The following ITGA11 variants were observed in gnomAD, a reference collection of about 807,000 sequenced individuals.
The protein encoded by ITGA11 is integrin subunit alpha 11.
ITGA11 carries 97 observed loss-of-function variants against 141.9 expected under a neutral mutation model. That is an observed-to-expected ratio of 0.68 (90% confidence interval 0.58 to 0.81). ITGA11 has a LOEUF of 0.81. ITGA11 is among the 30% of genes least tolerant of loss of function. The probability of loss-of-function intolerance (pLI) is 0.00; values close to 1 mark genes in which losing one functional copy is unlikely to be tolerated. For synonymous variants in ITGA11, 658 were observed against 624.6 expected (o/e 1.05, Z -0.80); for missense variants, 1,387 against 1,559.2 (o/e 0.89, Z 1.86).
chr15:68,408,395 C>T (rs1896695282), intron 1 of ITGA11, among the ~76,000 whole-genome samples: 1 of 152,088 alleles, frequency 6.6e-6, no homozygotes, highest in Admixed American at 6.5e-5. Flanking sequence ...TGTCTGATTA[C>T]TCCTGTCTCC....
rs1436636739 is a variant in ITGA11, at chr15:68,321,071, C to T, written c.2408+347G>A. Among the ~76,000 whole-genome samples the T allele has an allele frequency of 6.6e-6, 1 of 152,074 alleles. No individual in the cohort carries two copies. On this transcript the variant is annotated intron_variant, in intron 19 of 29. Transcript: ENST00000315757. This position sits in a 1 kb window ranked among gnomAD's most constrained non-coding sequence, Gnocchi z 4.9. The stretch of plus-strand genomic sequence containing the variant: ...CAGCCAGCGGGCCTAGAGGTCACCT[C>T]ATCTGGGGGCTGAAGGACAAGCACC...
At chr15:68,418,923 T>C (rs754982046) in intron 1 of ITGA11, among the ~76,000 whole-genome samples, 1 of 151,940 alleles carries the variant, frequency 6.6e-6, no homozygotes, top group Admixed American at 6.6e-5. Flanking sequence ...GCTCAGGATA[T>C]GCAATTTGTG....
At chr15:68,367,073 G>A (rs760158313) in intron 3 of ITGA11, among the ~76,000 whole-genome samples, 1 of 152,192 alleles carries the variant, frequency 6.6e-6, no homozygotes, top group Admixed American at 6.5e-5. Context: ...CTCAGTGGGA[G>A]AGAGAGAACC....
intron 2 of ITGA11, among the ~76,000 whole-genome samples, chr15:68,389,996 G>A (rs1442111573): frequency 1.3e-5 from 2 of 152,218 alleles, no homozygotes; most frequent in African/African-American, 4.8e-5. Flanking sequence ...ATGTAAATGC[G>A]ATAGTCATGT....
intron 10 of ITGA11, among the ~76,000 whole-genome samples, chr15:68,348,291 C>G (rs920082575): frequency 1.3e-5 from 2 of 152,132 alleles, no homozygotes; most frequent in East Asian, 1.9e-4. Flanking sequence ...GTGGGGGGGG[C>G]CTATGAGTCA....
chr15:68,403,023 G>A lies in ITGA11; in HGVS notation c.59C>T (p.Thr20Met), dbSNP rs754238550. Reference sequence around the variant, plus strand: ...CCTGGTGTCCATGTTGAAGGTGTCCGTGAACCCTGAGGCAGGGGGAGAGGA... The same window carrying A: ...CCTGGTGTCCATGTTGAAGGTGTCCATGAACCCTGAGGCAGGGGGAGAGGA... ...AWALSLWPGF[T>M]DTFNMDTRKP... Residue 20 changes from threonine to methionine, a missense_variant, in exon 2 of 30, where the codon ACG becomes ATG. By Grantham distance (81) the Thr-to-Met change is moderately conservative. Coordinates refer to ENST00000315757, the MANE Select transcript of ITGA11 (RefSeq NM_001004439.2). The A allele has an allele frequency of 1.2e-5, 19 of 1,610,218 alleles. No homozygotes were observed. The highest frequency in any genetic ancestry group is 3.3e-5 in the Admixed American group (2 of 59,768).
In ITGA11 at chr15:68,321,424, G is replaced by A. The variant is rs145852498; in HGVS notation, c.2402C>T (p.Thr801Met). 7.0e-5 allele frequency: 110 copies of A among 1,579,372 alleles called. No homozygotes were observed. The highest frequency in any genetic ancestry group is 3.8e-4 in the East Asian group (16 of 42,006). ...GTGGAAGGAGCCAACTCACATGGCC[G>A]TGGGCAGGTCACTCCGGGCATCCAA... is the stretch of plus-strand genomic sequence containing the variant. Reference protein sequence around the residue: ...LVLDARSDLPTAMEYCQRVLR... With the variant: ...LVLDARSDLPMAMEYCQRVLR... The change falls in exon 19 of 30, where the codon ACG becomes ATG. Residue 801 changes from threonine (T) to methionine (M), a missense_variant. Coordinates refer to ENST00000315757, the MANE Select transcript of ITGA11 (RefSeq NM_001004439.2). The surrounding 1 kb of genome is among the most constrained non-coding windows in gnomAD (Gnocchi z 4.9).
chr15:68,362,695 T>C (rs1895284333), intron 4 of ITGA11, among the ~76,000 whole-genome samples: 1 of 151,792 alleles, frequency 6.6e-6, no homozygotes, highest in African/African-American at 2.4e-5. Context: ...GGAAGGATGA[T>C]GGATAGATGT....
In ITGA11 at chr15:68,321,503, C is replaced by T; in HGVS notation, c.2323G>A (p.Val775Met). The change falls in exon 19 of 30, where the codon GTG (valine) becomes ATG (methionine). Residue 775 changes from valine to methionine, a missense_variant and splice_region_variant. Coordinates refer to ENST00000315757, the MANE Select transcript of ITGA11 (RefSeq NM_001004439.2). The surrounding 1 kb of genome is among the most constrained non-coding windows in gnomAD (Gnocchi z 4.9). ...DGWPTTLRVS[V>M]PFWNGCNEDE... ...TCATTGCAGCCGTTCCAGAAGGGCA[C>T]CTGGGCCAGGGAGAGCCAGGTGTGG... 4 of 1,595,354 alleles carry T rather than the reference C, an allele frequency of 2.5e-6. No individual in the cohort carries two copies. Among genetic ancestry groups the T allele is most frequent in the Non-Finnish European group, 3.4e-6 (4 of 1,170,888 alleles).
At chr15:68,404,954 G>A (rs538092033) in intron 1 of ITGA11, among the ~76,000 whole-genome samples, 3 of 152,282 alleles carry the variant, frequency 2.0e-5, no homozygotes, top group Admixed American at 1.3e-4. Flanking sequence ...GGAAAACAGA[G>A]GGTCAGAGAG....
intron 2 of ITGA11, among the ~76,000 whole-genome samples, chr15:68,396,952 T>TA (rs1896267817): frequency 1.4e-4 from 1 of 7,192 alleles, no homozygotes; most frequent in Non-Finnish European, 2.2e-4. Flanking sequence ...TTATATATTA[T>TA]TTATTATATA....
Position 68,333,812 on chromosome 15 carries a change from A to G in ITGA11, c.1426-1334T>C, listed in dbSNP as rs1894257564. Among the ~76,000 whole-genome samples the G allele has an allele frequency of 6.6e-6, 1 of 152,064 alleles. No individual in the cohort carries two copies. On this transcript the variant is annotated intron_variant, in intron 12 of 29. Transcript: ENST00000315757. This position sits in a 1 kb window ranked among gnomAD's most constrained non-coding sequence, Gnocchi z 4.2. ...CCGTGCTGGACCAGCCTCCCTCCCC[A>G]GCCTCTGTCCCCACAAGCTCCTGCT...
chr15:68,379,505 C>T (rs1352732682), intron 2 of ITGA11, among the ~76,000 whole-genome samples: 1 of 152,202 alleles, frequency 6.6e-6, no homozygotes, highest in African/African-American at 2.4e-5. Context: ...GAGGAAGCTG[C>T]TCATTTTGCA....
chr15:68,352,709 C>G (rs1211319805), intron 7 of ITGA11, among the ~76,000 whole-genome samples: 1 of 152,188 alleles, frequency 6.6e-6, no homozygotes, highest in Non-Finnish European at 1.5e-5. Context: ...ACAAATATTT[C>G]TCTTTCTCAC....
At chr15:68,381,710 C>A (rs1327915821) in intron 2 of ITGA11, among the ~76,000 whole-genome samples, 1 of 152,164 alleles carries the variant, frequency 6.6e-6, no homozygotes, top group Non-Finnish European at 1.5e-5. Flanking sequence ...CGCTCACTGC[C>A]ATGCCCAACT....
chr15:68,394,207 G>A (rs1896180578), intron 2 of ITGA11, among the ~76,000 whole-genome samples: 1 of 152,108 alleles, frequency 6.6e-6, no homozygotes, highest in South Asian at 2.1e-4. Flanking sequence ...CAGTGAGATT[G>A]AATCAGTAAT....
Position 68,321,403 on chromosome 15 carries a change from A to G in ITGA11, c.2408+15T>C. 1 of 1,540,246 alleles carries G rather than the reference A, an allele frequency of 6.5e-7. No individual in the cohort carries two copies. The highest frequency in any genetic ancestry group is 8.8e-7 in the Non-Finnish European group (1 of 1,136,282). On this transcript the variant is annotated intron_variant, in intron 19 of 29. Coordinates refer to ENST00000315757, the MANE Select transcript of ITGA11 (RefSeq NM_001004439.2). The surrounding 1 kb of genome is among the most constrained non-coding windows in gnomAD (Gnocchi z 4.9). ...GGGGAAGGGGCGAGGGTGGGGGTGG[A>G]AGGAGCCAACTCACATGGCCGTGGG...
In ITGA11 at chr15:68,407,458, C is replaced by T. The variant is rs551332223; in HGVS notation, c.53-4429G>A. The stretch of plus-strand genomic sequence containing the variant: ...CTCGGCTCCTGACAAGATCTCTGGC[C>T]GCCTCCTTTTATGGTAGATGGGTTT... On this transcript the variant is annotated intron_variant, in intron 1 of 29. Transcript: ENST00000315757. 3.5e-3 allele frequency among the ~76,000 whole-genome samples: 539 copies of T among 152,258 alleles called. 2 individuals are homozygous for T. The highest frequency in any genetic ancestry group is 5.8e-3 in the Non-Finnish European group (397 of 68,024).
chr15:68,380,212 G>A (rs1025744298), intron 2 of ITGA11, among the ~76,000 whole-genome samples: 2 of 152,130 alleles, frequency 1.3e-5, no homozygotes, highest in East Asian at 1.9e-4. Flanking sequence ...TTTGGGTAAC[G>A]CAGAAAAAGG....
Sources: gnomAD v4.1 joint callset for allele counts (sites outside exome capture counted in the v4.1 genomes callset) on GRCh38, gnomAD v4.1.1 for gene constraint, Gnocchi (gnomAD v3.1) non-coding constraint, MANE v1.5 for transcripts, NCBI Gene and HGNC (gene_info 2026-07-23, HGNC 2026-07-21) for gene names.